Variants in CASKIN1 observed in about 807,000 individuals in gnomAD.
CASKIN1 encodes caskin-1.
In CASKIN1, 42 loss-of-function variants were observed where a neutral mutation model predicts 117.5. The observed-to-expected ratio is 0.36, with a 90% CI of 0.28 to 0.46. CASKIN1 has a LOEUF of 0.46. CASKIN1 is among the 20% of genes least tolerant of loss of function. The pLI, the probability that CASKIN1 is intolerant of heterozygous loss-of-function variation, is 1.00. For synonymous variants in CASKIN1, 1,148 were observed against 961.7 expected (o/e 1.19, Z -3.59); for missense variants, 2,083 against 2,077.3 (o/e 1.00, Z -0.05).
chr16:2,187,813 G>A (rs2093189408), intron 6 of CASKIN1, among the ~76,000 whole-genome samples: 2 of 151,768 alleles, frequency 1.3e-5, no homozygotes, highest in Admixed American at 1.3e-4. Flanking sequence ...TAGAGACGGG[G>A]TTTCACCATT....
intron 1 of CASKIN1, among the ~76,000 whole-genome samples, chr16:2,193,191 A>G (rs946152339): frequency 2.0e-5 from 3 of 151,772 alleles, no homozygotes; most frequent in African/African-American, 4.8e-5. Context: ...CTAATTTTGT[A>G]TTTTTAGTAG....
Position 2,177,920 on chromosome 16 carries a change from C to T in CASKIN1, c.*630G>A. On this transcript the variant is annotated 3_prime_UTR_variant, in exon 20 of 20. Coordinates refer to ENST00000343516, the MANE Select transcript of CASKIN1 (RefSeq NM_020764.4). The stretch of plus-strand genomic sequence containing the variant: ...TAGCAGCCTGGGGCCTCCACTCTGG[C>T]CGGAGGAAGGACCGCAGGCAGACAG... 2.9e-6 allele frequency: 1 copy of T among 344,936 alleles called. No homozygotes were observed. Among genetic ancestry groups the T allele is most frequent in the Non-Finnish European group, 5.4e-6 (1 of 183,932 alleles). The allele number at this position is 344,936 out of a possible 1,614,324, so 21.4% of individuals were successfully genotyped here.
rs1248381473 is a variant in CASKIN1 at position 2,182,250 on chromosome 16, C to T, written c.1630-321G>A. ...GTACAGCACCATGGGGAGACACACC[C>T]GAGTCATGGACACAGACGCATGGGG... On this transcript the variant is annotated intron_variant, in intron 16 of 19. Coordinates refer to ENST00000343516, the MANE Select transcript of CASKIN1 (RefSeq NM_020764.4). The surrounding 1 kb of genome is among the most constrained non-coding windows in gnomAD (Gnocchi z 4.1). Among the ~76,000 whole-genome samples, 2 of 152,132 alleles carry T rather than the reference C, an allele frequency of 1.3e-5. No individual in the cohort carries two copies. Among genetic ancestry groups the T allele is most frequent in the South Asian group, 2.1e-4 (1 of 4,830 alleles).
rs912639093 is a variant in CASKIN1, at chr16:2,196,032, C to G, written c.94+307G>C. ...CAGCAGAGACCTCCAGCTGTCAGCC[C>G]GCAGCCTGGGAAGGGAGGGGGACAG... is the stretch of plus-strand genomic sequence containing the variant. On this transcript the variant is annotated intron_variant, in intron 1 of 19. Transcript: ENST00000343516. The surrounding 1 kb of genome is among the most constrained non-coding windows in gnomAD (Gnocchi z 5.7). Among the ~76,000 whole-genome samples the G allele has an allele frequency of 6.6e-6, 1 of 151,976 alleles. No homozygotes were observed. The highest frequency in any genetic ancestry group is 2.4e-5 in the African/African-American group (1 of 41,420).
Position 2,178,619 on chromosome 16 carries a change from G to A in CASKIN1, c.4227C>T (p.Gly1409=), listed in dbSNP as rs771734790. Reference sequence around the variant, plus strand: ...TGCTGCCGATGTCGTCCAGGATGCTGCCAGTGCTCTTTTCCGCCGCCGAGT... The same window carrying A: ...TGCTGCCGATGTCGTCCAGGATGCTACCAGTGCTCTTTTCCGCCGCCGAGT... ...PRDSAAEKST[G]SILDDIGSMF... The change falls in exon 20 of 20, where the codon GGC becomes GGT. Residue 1409 remains glycine, a synonymous_variant. Coordinates refer to ENST00000343516, the MANE Select transcript of CASKIN1 (RefSeq NM_020764.4). 3 of 1,595,980 alleles carry A rather than the reference G, an allele frequency of 1.9e-6. No individual in the cohort carries two copies.
chr16:2,177,282 T>G lies in CASKIN1; in HGVS notation c.*1268A>C, dbSNP rs561930898. The G allele has an allele frequency of 3.7e-4, 87 of 236,818 alleles. No individual in the cohort carries two copies. Among genetic ancestry groups the G allele is most frequent in the African/African-American group, 1.7e-3 (77 of 45,366 alleles). The allele number at this position is 236,818 out of a possible 1,614,324, so 14.7% of individuals were successfully genotyped here. A position where few individuals can be genotyped will look rare whatever the true frequency, so the allele number is the denominator to read the frequency against. On this transcript the variant is annotated 3_prime_UTR_variant, in exon 20 of 20. Coordinates refer to ENST00000343516, the MANE Select transcript of CASKIN1 (RefSeq NM_020764.4). The stretch of plus-strand genomic sequence containing the variant: ...CTGTGCCGCCCTCTGAGGAGAGGCC[T>G]GGGGGGACAGCTGGGCACGTCCACT...
In CASKIN1 at chr16:2,182,223, G is replaced by A. The variant is rs2093170477; in HGVS notation, c.1630-294C>T. 6.6e-6 allele frequency among the ~76,000 whole-genome samples: 1 copy of A among 152,106 alleles called. No homozygotes were observed. Among genetic ancestry groups the A allele is most frequent in the Non-Finnish European group, 1.5e-5 (1 of 68,004 alleles). ...CTTTCCCACCCGGCCAGGCAGCCAC[G>A]AGTACAGCACCATGGGGAGACACAC... is the stretch of plus-strand genomic sequence containing the variant. On this transcript the variant is annotated intron_variant, in intron 16 of 19. Coordinates refer to ENST00000343516, the MANE Select transcript of CASKIN1 (RefSeq NM_020764.4). The surrounding 1 kb of genome is among the most constrained non-coding windows in gnomAD (Gnocchi z 4.1).
intron 8 of CASKIN1, 34 bp from the exon 9 acceptor site, chr16:2,187,106 C>A: frequency 6.2e-7 from 1 of 1,612,528 alleles, no homozygotes; most frequent in Non-Finnish European, 8.5e-7. Flanking sequence ...CGAAGTCCTG[C>A]GGGCTGATCT....
Position 2,185,098 on chromosome 16 carries a change from C to G in CASKIN1, c.1239+13G>C. ...GCCCTGGCCACCCTGGCCCTGGCCA[C>G]TACCCCACCTACCTTGACGCCTTCA... On this transcript the variant is annotated intron_variant, in intron 12 of 19. Coordinates refer to ENST00000343516, the MANE Select transcript of CASKIN1 (RefSeq NM_020764.4). 1 of 1,609,158 alleles carries G rather than the reference C, an allele frequency of 6.2e-7. No homozygotes were observed. The highest frequency in any genetic ancestry group is 1.1e-5 in the South Asian group (1 of 90,974).
chr16:2,178,622 A>G lies in CASKIN1; in HGVS notation c.4224T>C (p.Thr1408=). 1 of 1,594,946 alleles carries G rather than the reference A, an allele frequency of 6.3e-7. No homozygotes were observed. Among genetic ancestry groups the G allele is most frequent in the Non-Finnish European group, 8.5e-7 (1 of 1,175,286 alleles). Residue 1408 remains threonine, a synonymous_variant, in exon 20 of 20, where the codon ACT becomes ACC. Coordinates refer to ENST00000343516, the MANE Select transcript of CASKIN1 (RefSeq NM_020764.4). ...TGCCGATGTCGTCCAGGATGCTGCC[A>G]GTGCTCTTTTCCGCCGCCGAGTCGC... The part of the protein sequence containing the change: ...GPRDSAAEKS[T]GSILDDIGSM...
Position 2,178,602 on chromosome 16 carries a change from A to T in CASKIN1, c.4244T>A (p.Ile1415Asn). Residue 1415 changes from isoleucine to asparagine, a missense_variant, in exon 20 of 20, where the codon ATC (isoleucine) becomes AAC (asparagine). Transcript: ENST00000343516. ...EKSTGSILDDIGSMFDDLADQ... is the reference protein window; with the variant it reads ...EKSTGSILDDNGSMFDDLADQ... ...GGCCAGGTCGTCGAACATGCTGCCG[A>T]TGTCGTCCAGGATGCTGCCAGTGCT... 1 of 1,597,332 alleles carries T rather than the reference A, an allele frequency of 6.3e-7. No individual in the cohort carries two copies. The highest frequency in any genetic ancestry group is 8.5e-7 in the Non-Finnish European group (1 of 1,176,024).
At position 2,182,263 on chromosome 16, in the gene CASKIN1, C is replaced by CA. The variant is rs1051553522; in HGVS notation, c.1630-335dup. On this transcript the variant is annotated intron_variant, in intron 16 of 19. Transcript: ENST00000343516. This position sits in a 1 kb window ranked among gnomAD's most constrained non-coding sequence, Gnocchi z 4.1. ...GGGAGACACACCCGAGTCATGGACA[C>CA]AGACGCATGGGGCCACACCTGGTAC... Among the ~76,000 whole-genome samples, 3 of 152,282 alleles carry CA rather than the reference C, an allele frequency of 2.0e-5. No homozygotes were observed. Among genetic ancestry groups the CA allele is most frequent in the African/African-American group, 7.2e-5 (3 of 41,546 alleles).
Position 2,179,649 on chromosome 16 carries a change from T to C in CASKIN1, c.3719A>G (p.Gln1240Arg). The C allele has an allele frequency of 6.7e-7, 1 of 1,500,414 alleles. No individual in the cohort carries two copies. The highest frequency in any genetic ancestry group is 2.4e-5 in the Admixed American group (1 of 41,734). 92.9% of individuals were successfully genotyped at this position (1,500,414 alleles called of 1,614,324 possible). A position where few individuals can be genotyped will look rare whatever the true frequency, so the allele number is the denominator to read the frequency against. Residue 1240 changes from glutamine (Q) to arginine (R), a missense_variant, in exon 18 of 20, where the codon CAG becomes CGG. By Grantham distance (43) the Gln-to-Arg change is conservative. This residue lies in a region of CASKIN1 where 1,818 missense variants were observed against 1,688.9 expected (regional missense o/e 1.08). Coordinates refer to ENST00000343516, the MANE Select transcript of CASKIN1 (RefSeq NM_020764.4). This position sits in a 1 kb window ranked among gnomAD's most constrained non-coding sequence, Gnocchi z 5.8. The stretch of plus-strand genomic sequence containing the variant: ...CTTGGAGGTGGGTGTGGGCGAGCCC[T>C]GGAGCTTGGGCACAGGCTGCGTCAG... Reference protein sequence around the residue: ...PVLTQPVPKLQGSPTPTSKKV... With the variant: ...PVLTQPVPKLRGSPTPTSKKV...
In CASKIN1 at chr16:2,184,877, G is replaced by A. The variant is rs146967529; in HGVS notation, c.1325-9C>T. The A allele has an allele frequency of 1.2e-5, 19 of 1,574,734 alleles. No homozygotes were observed. The Admixed American group carries it at 1.3e-4, about 11-fold the overall frequency. On this transcript the variant is annotated splice_polypyrimidine_tract_variant and intron_variant, in intron 13 of 19. Transcript: ENST00000343516. Reference sequence around the variant, plus strand: ...CTGGGACCGGGCCACACCTGAGGACGAGAGTGGGTGGGGGACAAGGGCTGT... The same window carrying A: ...CTGGGACCGGGCCACACCTGAGGACAAGAGTGGGTGGGGGACAAGGGCTGT...
chr16:2,183,175 G>A (rs558079732), intron 16 of CASKIN1, among the ~76,000 whole-genome samples: 19 of 152,312 alleles, frequency 1.2e-4, no homozygotes, highest in Non-Finnish European at 2.5e-4. Flanking sequence ...CCACACGTGC[G>A]GTGGAGCATG....
rs2093166120 is a variant in CASKIN1, at chr16:2,181,063, G to A, written c.2305C>T (p.Pro769Ser). 2 of 1,491,178 alleles carry A rather than the reference G, an allele frequency of 1.3e-6. No individual in the cohort carries two copies. The highest frequency in any genetic ancestry group is 2.8e-5 in the South Asian group (2 of 72,558). The allele number at this position is 1,491,178 out of a possible 1,614,324, so 92.4% of individuals were successfully genotyped here. A position where few individuals can be genotyped will look rare whatever the true frequency, so the allele number is the denominator to read the frequency against. Reference protein sequence around the residue: ...VPGKPRQVLPPGTSHFTPPQT... With the variant: ...VPGKPRQVLPSGTSHFTPPQT... ...GGGGGCGTGAAGTGGCTAGTGCCTG[G>A]TGGGAGGACCTGCCGTGGCTTGCCA... Residue 769 changes from proline (P) to serine (S), a missense_variant, in exon 18 of 20, where the codon CCA (proline) becomes TCA (serine). By Grantham distance (74) the Pro-to-Ser change is moderately conservative. Transcript: ENST00000343516.
At chr16:2,184,920 T>G in intron 13 of CASKIN1, 31 bp downstream of exon 13, 1 of 1,582,106 alleles carries the variant, frequency 6.3e-7, no homozygotes, top group Non-Finnish European at 8.6e-7. Flanking sequence ...CTTTCCTCCA[T>G]CGGGCTGCGT....
At chr16:2,185,904 C>T (rs989533787) in intron 10 of CASKIN1, among the ~76,000 whole-genome samples, 1 of 152,262 alleles carries the variant, frequency 6.6e-6, no homozygotes, top group Non-Finnish European at 1.5e-5. Flanking sequence ...TCAGATGTAC[C>T]CAGCTCTTGC....
chr16:2,185,503 G>A (rs2093181370), intron 10 of CASKIN1, 95 bp from the exon 11 acceptor site: 2 of 1,050,450 alleles, frequency 1.9e-6, no homozygotes, highest in Non-Finnish European at 2.7e-6. Context: ...CCACAGCCGG[G>A]GGTCCTCTCT....
Sources: allele counts gnomAD v4.1 joint callset (sites outside exome capture counted in the v4.1 genomes callset), GRCh38; gene constraint gnomAD v4.1.1; regional missense constraint gnomAD v4.1.1; non-coding constraint Gnocchi (gnomAD v3.1); transcripts MANE v1.5; gene names NCBI Gene and HGNC (gene_info 2026-07-23, HGNC 2026-07-21).